PCDHA1: variants seen among roughly 807,000 people sequenced by gnomAD.
The protein encoded by PCDHA1 is protocadherin alpha 1, also known as protocadherin alpha-1.
Under a neutral mutation model 61.3 loss-of-function variants are expected in PCDHA1, and 42 were observed. The observed-to-expected ratio is 0.69, with a 90% CI of 0.54 to 0.89. The LOEUF is 0.89. PCDHA1 is among the 40% of genes least tolerant of loss of function. The probability of loss-of-function intolerance (pLI) is 0.00; values close to 1 mark genes in which losing one functional copy is unlikely to be tolerated. For missense variants in PCDHA1, 1,256 were observed against 1,235.3 expected (o/e 1.02, Z -0.25); for synonymous variants, 610 against 553.8 (o/e 1.10, Z -1.43).
At chr5:140,946,871 A>G (rs952595827) in intron 1 of PCDHA1, among the ~76,000 whole-genome samples, 8 of 151,442 alleles carry the variant, frequency 5.3e-5, no homozygotes, top group Non-Finnish European at 8.9e-5. Flanking sequence ...AGGTTGGTCA[A>G]TGGGTACGAA....
chr5:141,009,946 A>G lies in PCDHA1; in HGVS notation c.*9A>G, dbSNP rs781855183. On this transcript the variant is annotated 3_prime_UTR_variant, in exon 4 of 4. Transcript: ENST00000504120. ...ACAACAGTGACCAGTGAGGTCCTCA[A>G]ATGGAAACAAGCCACTTAGCCAGTT... 8.8e-6 allele frequency: 14 copies of G among 1,596,354 alleles called. No homozygotes were observed. The highest frequency in any genetic ancestry group is 1.7e-4 in the Middle Eastern group (1 of 5,948).
At chr5:140,871,497 G>T in intron 1 of PCDHA1, 1 of 1,586,946 alleles carries the variant, frequency 6.3e-7, no homozygotes, top group East Asian at 2.3e-5. Context: ...CCGGACAGGT[G>T]AGTTTTCTAC....
At chr5:140,827,850 A>C in intron 1 of PCDHA1, 4 of 489,030 alleles carry the variant, frequency 8.2e-6, no homozygotes, top group Non-Finnish European at 1.4e-5. Context: ...ATACTGTTTT[A>C]AAAATATATG....
chr5:140,856,683 C>T, intron 1 of PCDHA1: 1 of 1,597,480 alleles, frequency 6.3e-7, no homozygotes, highest in Non-Finnish European at 8.6e-7. Context: ...TTGTTGTTGA[C>T]AGCAACTGAT....
At chr5:140,967,207 T>G (rs376266648) in intron 1 of PCDHA1, 16 of 1,613,648 alleles carry the variant, frequency 9.9e-6, no homozygotes, top group Non-Finnish European at 1.1e-5. Flanking sequence ...ACTCACCGCG[T>G]TTCCCGCGGC....
At position 140,883,249 on chromosome 5, in the gene PCDHA1, T is replaced by A. The variant is rs145815075; in HGVS notation, c.2394+94565T>A. On this transcript the variant is annotated intron_variant, in intron 1 of 3. Transcript: ENST00000504120. ...CCGTGGAGGCAGTTGACAAAGGAAA[T>A]ATTCCAATGGCGGGTCATTGTACCC... The A allele has an allele frequency of 5.1e-4, 830 of 1,613,870 alleles. 7 individuals carry two copies. In the African/African-American group the frequency reaches 9.0e-3, roughly 18 times the overall value.
At chr5:140,909,942 T>G (rs577556804) in intron 1 of PCDHA1, among the ~76,000 whole-genome samples, 1 of 152,304 alleles carries the variant, frequency 6.6e-6, no homozygotes, top group Non-Finnish European at 1.5e-5. Flanking sequence ...GTTACTCTGG[T>G]AAAAAGCCGT....
At chr5:140,956,717 A>C (rs2153710827) in intron 1 of PCDHA1, among the ~76,000 whole-genome samples, 1 of 152,308 alleles carries the variant, frequency 6.6e-6, no homozygotes. Flanking sequence ...CTTCAGAAGA[A>C]TTGGTACCAG....
intron 1 of PCDHA1, chr5:140,796,442 C>T (rs533353991): frequency 3.1e-6 from 5 of 1,613,292 alleles, no homozygotes; most frequent in Non-Finnish European, 3.4e-6. Flanking sequence ...GTGTCCTACT[C>T]GCTGGTGGAG....
chr5:140,843,352 A>G (rs2150358043), intron 1 of PCDHA1: 1 of 1,596,016 alleles, frequency 6.3e-7, no homozygotes. Flanking sequence ...AGGCTCCAAA[A>G]GCGTCATCGA....
intron 1 of PCDHA1, chr5:140,823,342 G>A (rs143184133): frequency 6.2e-7 from 1 of 1,612,384 alleles, no homozygotes; most frequent in Non-Finnish European, 8.5e-7. Context: ...GCAGCCGCTG[G>A]ACCACGAGGA....
chr5:140,918,311 G>A (rs1286596595), intron 1 of PCDHA1, among the ~76,000 whole-genome samples: 2 of 152,070 alleles, frequency 1.3e-5, no homozygotes, highest in African/African-American at 4.8e-5. Context: ...GGGTTTTCTA[G>A]GTATAAAATT....
At chr5:140,888,752 C>A (rs782384703) in intron 1 of PCDHA1, among the ~76,000 whole-genome samples, 44 of 151,842 alleles carry the variant, frequency 2.9e-4, no homozygotes, top group Non-Finnish European at 5.7e-4. Context: ...TTATTCTACC[C>A]ACTTTTTTTT....
intron 1 of PCDHA1, chr5:140,870,544 G>T: frequency 6.2e-7 from 1 of 1,614,124 alleles, no homozygotes. Context: ...GGCGCGGGAC[G>T]CGGACGCGCA....
chr5:140,960,134 A>G (rs1480555997), intron 1 of PCDHA1, among the ~76,000 whole-genome samples: 10 of 152,232 alleles, frequency 6.6e-5, no homozygotes, highest in African/African-American at 2.2e-4. Context: ...TGAAATACTT[A>G]GATATTAATA....
intron 1 of PCDHA1, among the ~76,000 whole-genome samples, chr5:140,975,576 C>G (rs1170899911): frequency 6.6e-6 from 1 of 152,208 alleles, no homozygotes; most frequent in Non-Finnish European, 1.5e-5. Flanking sequence ...TATATGCAGT[C>G]TCATGTCCCA....
chr5:140,826,678 A>T (rs2150144897), intron 1 of PCDHA1, among the ~76,000 whole-genome samples: 79,540 of 151,996 alleles, frequency 0.52, 20,975 homozygotes, highest in Middle Eastern at 0.64. Context: ...AGACGTAATT[A>T]AAAAAACCCA....
rs2150163388 is a variant in PCDHA1, at chr5:140,829,170, G to T, written c.2394+40486G>T. The T allele has an allele frequency of 3.0e-5, 49 of 1,613,982 alleles. No individual in the cohort carries two copies. Among genetic ancestry groups the T allele is most frequent in the Non-Finnish European group, 4.0e-5 (47 of 1,179,950 alleles). ...CTGACTTCCTTATCCTTGCCTGTAC[G>T]TGAAGACGCTCAATTTGGTACTGTC... is the stretch of plus-strand genomic sequence containing the variant. On this transcript the variant is annotated intron_variant, in intron 1 of 3. Coordinates refer to ENST00000504120, the MANE Select transcript of PCDHA1 (RefSeq NM_018900.4).
intron 1 of PCDHA1, among the ~76,000 whole-genome samples, chr5:140,800,533 T>C (rs782191776): frequency 8.5e-5 from 13 of 152,202 alleles, no homozygotes; most frequent in Non-Finnish European, 1.3e-4. Context: ...ATCATAAATC[T>C]GAAAGGATCT....
Sources: allele counts gnomAD v4.1 joint callset (sites outside exome capture counted in the v4.1 genomes callset), GRCh38; gene constraint gnomAD v4.1.1; transcripts MANE v1.5; gene names NCBI Gene and HGNC (gene_info 2026-07-23, HGNC 2026-07-21).